Variants in TENM3 observed in about 807,000 individuals in gnomAD.
TENM3 encodes the protein teneurin-3.
A neutral mutation model predicts 255.1 loss-of-function variants in TENM3; 63 were observed. That is an observed-to-expected ratio of 0.25 (90% confidence interval 0.20 to 0.30). The LOEUF (loss-of-function observed/expected upper bound fraction) is 0.30, where lower values mean the gene tolerates loss of function less well. TENM3 is among the 10% of genes least tolerant of loss of function. The probability of loss-of-function intolerance (pLI) is 1.00; values close to 1 mark genes in which losing one functional copy is unlikely to be tolerated. For synonymous variants in TENM3, 1,306 were observed against 1,322.3 expected, an observed-to-expected ratio of 0.99 and a Z score of 0.27; for missense variants, 2,929 against 3,461.1, an observed-to-expected ratio of 0.85 and a Z score of 3.86.
chr4:182,211,908 C>T (rs1052787778), intron 1 of TENM3, among the ~76,000 whole-genome samples: 6 of 152,036 alleles, frequency 3.9e-5, no homozygotes, highest in Non-Finnish European at 8.8e-5. Flanking sequence ...AACACTTAAC[C>T]GAAAGGTTTT....
chr4:182,057,728 G>A, the TENM3 span, among the ~76,000 whole-genome samples: 2 of 151,924 alleles, frequency 1.3e-5, no homozygotes, highest in Non-Finnish European at 2.9e-5. Context: ...CCTCTGGCTG[G>A]TCATGTGGTT....
the TENM3 span, among the ~76,000 whole-genome samples, chr4:181,696,888 C>T: frequency 0.42 from 64,128 of 152,000 alleles, 16,307 homozygotes; most frequent in Non-Finnish European, 0.57. Flanking sequence ...AAAGGGTGTG[C>T]GTCAGAGCAC....
chr4:182,099,923 T>C, the TENM3 span, among the ~76,000 whole-genome samples: 76 of 152,224 alleles, frequency 5.0e-4, 1 homozygote, highest in South Asian at 0.015. Flanking sequence ...CAAGAGTAGC[T>C]GAACAATTGT....
At chr4:182,322,123 T>C (rs989502761) in intron 1 of TENM3, among the ~76,000 whole-genome samples, 1 of 152,180 alleles carries the variant, frequency 6.6e-6, no homozygotes, top group Non-Finnish European at 1.5e-5. Flanking sequence ...ATTCAGTTTC[T>C]CTTAAGAGCT....
intron 3 of TENM3, among the ~76,000 whole-genome samples, chr4:182,460,085 A>G (rs1774216911): frequency 2.0e-5 from 3 of 152,124 alleles, no homozygotes; most frequent in East Asian, 1.9e-4. Context: ...TTGGAAGGAG[A>G]CCACTTGAAG....
chr4:181,661,981 T>A, the TENM3 span, among the ~76,000 whole-genome samples: 1 of 152,178 alleles, frequency 6.6e-6, no homozygotes, highest in East Asian at 1.9e-4. Flanking sequence ...AAATATAAGA[T>A]AACAGACTCC....
At chr4:182,110,537 A>G in the TENM3 span, among the ~76,000 whole-genome samples, 14 of 151,838 alleles carry the variant, frequency 9.2e-5, no homozygotes, top group Non-Finnish European at 1.3e-4. Flanking sequence ...AATTGCCCAG[A>G]CTGTTCTCAA....
the TENM3 span, among the ~76,000 whole-genome samples, chr4:181,955,839 G>T: frequency 1.3e-5 from 2 of 152,078 alleles, no homozygotes; most frequent in Non-Finnish European, 2.9e-5. Context: ...GTCAGGAAAG[G>T]GTTAGGTGGT....
intron 3 of TENM3, among the ~76,000 whole-genome samples, chr4:182,379,098 C>T (rs1767388701): frequency 6.6e-6 from 1 of 152,206 alleles, no homozygotes; most frequent in Non-Finnish European, 1.5e-5. Flanking sequence ...GTTGCAAGGG[C>T]CAGGCTTGGT....
At chr4:182,006,790 T>C in the TENM3 span, among the ~76,000 whole-genome samples, 1 of 152,182 alleles carries the variant, frequency 6.6e-6, no homozygotes, top group East Asian at 1.9e-4. Context: ...AGTTTACTCT[T>C]GCCTCTCTGG....
chr4:182,111,095 T>C, the TENM3 span, among the ~76,000 whole-genome samples: 1 of 151,756 alleles, frequency 6.6e-6, no homozygotes, highest in Admixed American at 6.6e-5. Flanking sequence ...AATAGTTATG[T>C]AGAACTCTCT....
chr4:182,639,474 T>C (rs1752115327), intron 5 of TENM3, among the ~76,000 whole-genome samples: 1 of 152,236 alleles, frequency 6.6e-6, no homozygotes, highest in African/African-American at 2.4e-5. Context: ...AGTACTATTA[T>C]CCACACTTTT....
At chr4:182,497,059 CTT>C (rs112562945) in intron 3 of TENM3, among the ~76,000 whole-genome samples, 2 of 144,738 alleles carry the variant, frequency 1.4e-5, no homozygotes, top group South Asian at 2.2e-4. Context: ...CCACTTACAG[CTT>C]TTTTTTTTTT....
the TENM3 span, among the ~76,000 whole-genome samples, chr4:181,751,497 T>C: frequency 3.3e-5 from 5 of 151,800 alleles, no homozygotes; most frequent in African/African-American, 1.2e-4. Flanking sequence ...TGACCCATTC[T>C]AGGAACTCTC....
At chr4:182,239,072 TGTA>T (rs769804253), upstream of TENM3, among the ~76,000 whole-genome samples, 1,434 of 143,178 alleles carry the variant, frequency 0.01, 20 homozygotes, top group African/African-American at 0.036. Context: ...TGTGTGTGTG[TGTA>T]TTTTTTTTTT....
At chr4:181,655,129 C>T in the TENM3 span, among the ~76,000 whole-genome samples, 1 of 152,206 alleles carries the variant, frequency 6.6e-6, no homozygotes, top group Non-Finnish European at 1.5e-5. Flanking sequence ...AAATCAACTT[C>T]TGGAATCATC....
At chr4:182,304,013 G>A (rs76073821) in intron 1 of TENM3, among the ~76,000 whole-genome samples, 1,870 of 152,076 alleles carry the variant, frequency 0.012, 106 homozygotes, top group Admixed American at 0.086. Flanking sequence ...ACATATAAAT[G>A]TGATAGCCTG....
At chr4:181,480,991 C>A in the TENM3 span, among the ~76,000 whole-genome samples, 3 of 151,436 alleles carry the variant, frequency 2.0e-5, no homozygotes, top group African/African-American at 4.8e-5. Context: ...TCTCATACAG[C>A]GATTGACATT....
intron 4 of TENM3, among the ~76,000 whole-genome samples, chr4:182,605,478 A>G (rs1748320960): frequency 1.9e-5 from 2 of 107,708 alleles, no homozygotes; most frequent in Non-Finnish European, 3.8e-5. Flanking sequence ...CACCATCATC[A>G]TTTATTTAAA....
Sources: allele counts gnomAD v4.1 joint callset (sites outside exome capture counted in the v4.1 genomes callset), GRCh38; gene constraint gnomAD v4.1.1; transcripts MANE v1.5; gene names NCBI Gene and HGNC (gene_info 2026-07-23, HGNC 2026-07-21).